Variants in FAM219A observed in about 807,000 individuals in gnomAD.
FAM219A encodes the protein family with sequence similarity 219 member A.
In FAM219A, 7 loss-of-function variants were observed where a neutral mutation model predicts 23.4. The ratio of observed to expected loss-of-function variants is 0.30; its 90% CI spans 0.17 to 0.56. The LOEUF (loss-of-function observed/expected upper bound fraction) is 0.56. Ranked by LOEUF, FAM219A falls within the 20% of genes least tolerant of loss-of-function variation. The probability of loss-of-function intolerance (pLI) is 0.92; values close to 1 mark genes in which losing one functional copy is unlikely to be tolerated. For synonymous variants in FAM219A, 93 were observed against 99.0 expected (o/e 0.94, Z 0.36); for missense variants, 166 against 246.9 (o/e 0.67, Z 2.20).
chr9:34,421,355 G>A (rs1822276361), intron 1 of FAM219A, among the ~76,000 whole-genome samples: 1 of 152,220 alleles, frequency 6.6e-6, no homozygotes, highest in Admixed American at 6.5e-5. Flanking sequence ...GTGTTTTTAG[G>A]GGTGAGGCTA....
chr9:34,408,279 T>C (rs1821711580), intron 1 of FAM219A, among the ~76,000 whole-genome samples: 1 of 152,068 alleles, frequency 6.6e-6, no homozygotes, highest in African/African-American at 2.4e-5. Context: ...TGCACAGCCT[T>C]GGAAAAGCAA....
intron 1 of FAM219A, among the ~76,000 whole-genome samples, chr9:34,422,275 A>G (rs1041095724): frequency 5.3e-5 from 8 of 152,196 alleles, no homozygotes; most frequent in African/African-American, 1.7e-4. Context: ...TGCTTTATCT[A>G]TATTATTTCA....
intron 1 of FAM219A, among the ~76,000 whole-genome samples, chr9:34,422,627 G>A (rs903624965): frequency 6.6e-6 from 1 of 152,196 alleles, no homozygotes; most frequent in Non-Finnish European, 1.5e-5. Context: ...GCTCAATTGA[G>A]TTCTCCACAG....
At chr9:34,426,336 G>A (rs138275556) in intron 1 of FAM219A, among the ~76,000 whole-genome samples, 136 of 152,192 alleles carry the variant, frequency 8.9e-4, no homozygotes, top group South Asian at 2.9e-3. Flanking sequence ...GGGCTAAGAT[G>A]AGTTGTATCT....
intron 1 of FAM219A, among the ~76,000 whole-genome samples, chr9:34,416,196 AAAG>A (rs1821998314): frequency 1.9e-5 from 1 of 51,710 alleles, no homozygotes. Context: ...AGAAAGAAAG[AAAG>A]AAAGAAAGAA....
chr9:34,453,955 G>T (rs913040860), intron 1 of FAM219A, among the ~76,000 whole-genome samples: 1 of 152,220 alleles, frequency 6.6e-6, no homozygotes, highest in Non-Finnish European at 1.5e-5. Context: ...GCCTTGGGCT[G>T]CTGGGAACTT....
chr9:34,431,192 G>A (rs900665236), intron 1 of FAM219A, among the ~76,000 whole-genome samples: 10 of 152,228 alleles, frequency 6.6e-5, no homozygotes, highest in Non-Finnish European at 7.3e-5. Context: ...GTGAGGCAGA[G>A]GATCTTGGTG....
At position 34,402,369 on chromosome 9, in the gene FAM219A, C is replaced by A. The variant is rs1218686712; in HGVS notation, c.344+18G>T. ...GTTCCTTTGGGCTGCCCAGCTACCC[C>A]CAAGCCCCCATACACACCTGTCCGT... On this transcript the variant is annotated intron_variant, in intron 4 of 5. Coordinates refer to ENST00000651358, the MANE Select transcript of FAM219A (RefSeq NM_001184940.2). 6.2e-7 allele frequency: 1 copy of A among 1,614,220 alleles called. No individual in the cohort carries two copies. Among genetic ancestry groups the A allele is most frequent in the Non-Finnish European group, 8.5e-7 (1 of 1,180,042 alleles).
At chr9:34,411,713 A>T (rs1821831101) in intron 1 of FAM219A, among the ~76,000 whole-genome samples, 1 of 151,930 alleles carries the variant, frequency 6.6e-6, no homozygotes, top group Non-Finnish European at 1.5e-5. Flanking sequence ...AAAGAAAAGA[A>T]AACAGTCCCA....
chr9:34,419,622 A>G (rs1822179392), intron 1 of FAM219A, among the ~76,000 whole-genome samples: 1 of 152,152 alleles, frequency 6.6e-6, no homozygotes, highest in African/African-American at 2.4e-5. Flanking sequence ...AAGCAGGAGA[A>G]ATGCCAGCAG....
intron 1 of FAM219A, among the ~76,000 whole-genome samples, chr9:34,422,824 T>C (rs1229126148): frequency 6.6e-6 from 1 of 152,154 alleles, no homozygotes; most frequent in Admixed American, 6.5e-5. Flanking sequence ...TGGTCCTACA[T>C]TTTAAGGGCA....
chr9:34,410,761 G>T (rs1310202119), intron 1 of FAM219A, among the ~76,000 whole-genome samples: 2 of 152,176 alleles, frequency 1.3e-5, no homozygotes, highest in Non-Finnish European at 2.9e-5. Flanking sequence ...CTGAAAGAAA[G>T]ATTGTAATGG....
chr9:34,440,889 TA>T (rs1164974148), intron 1 of FAM219A, among the ~76,000 whole-genome samples: 1 of 152,026 alleles, frequency 6.6e-6, no homozygotes, highest in Non-Finnish European at 1.5e-5. Context: ...AATGTTATCT[TA>T]CTATGTTGCC....
intron 5 of FAM219A, 73 bp downstream of exon 5, chr9:34,401,593 G>T: frequency 6.5e-7 from 1 of 1,532,820 alleles, no homozygotes; most frequent in Non-Finnish European, 8.9e-7. Flanking sequence ...CTTGGGCATT[G>T]GCCCCAGCCC....
chr9:34,431,703 C>T (rs1208059201), intron 1 of FAM219A, among the ~76,000 whole-genome samples: 1 of 151,956 alleles, frequency 6.6e-6, no homozygotes, highest in African/African-American at 2.4e-5. Context: ...ATTGAGACCC[C>T]CTCTCTAAGA....
At chr9:34,402,619 A>AG in intron 3 of FAM219A, 86 bp downstream of exon 3, 1 of 1,559,958 alleles carries the variant, frequency 6.4e-7, no homozygotes, top group South Asian at 1.2e-5. Flanking sequence ...GCTGGGCCTG[A>AG]GGAGGGAGGG....
In FAM219A at chr9:34,405,858, C is replaced by T. The variant is rs1821614563; in HGVS notation, c.160+7G>A. On this transcript the variant is annotated splice_region_variant and intron_variant, in intron 2 of 5. Coordinates refer to ENST00000651358, the MANE Select transcript of FAM219A (RefSeq NM_001184940.2). ...CCACATCTCCCTCACCCCCCAGACA[C>T]ACTCACCCAGCTTCACTTGGAGCGG... The T allele has an allele frequency of 6.2e-7, 1 of 1,613,704 alleles. No individual in the cohort carries two copies. Among genetic ancestry groups the T allele is most frequent in the African/African-American group, 1.3e-5 (1 of 75,038 alleles).
In FAM219A at chr9:34,442,415, C is replaced by T. The variant is rs111909040; in HGVS notation, c.60+15789G>A. On this transcript the variant is annotated intron_variant, in intron 1 of 5. Transcript: ENST00000651358. Reference sequence around the variant, plus strand: ...AAGAGACATATCAGGCCAGGCATGGCGGCTCACGCCTGTAATCCCAGCACT... The same window carrying T: ...AAGAGACATATCAGGCCAGGCATGGTGGCTCACGCCTGTAATCCCAGCACT... Among the ~76,000 whole-genome samples the T allele has an allele frequency of 1.1e-4, 16 of 152,274 alleles. 1 individual carries two copies. In the East Asian group the frequency reaches 1.2e-3, roughly 11 times the overall value.
chr9:34,437,301 T>C (rs117856441), intron 1 of FAM219A, among the ~76,000 whole-genome samples: 2 of 152,344 alleles, frequency 1.3e-5, no homozygotes, highest in East Asian at 1.9e-4. Flanking sequence ...CACTACGTTA[T>C]GATCTGGAGG....
Sources: allele counts gnomAD v4.1 joint callset (sites outside exome capture counted in the v4.1 genomes callset), GRCh38; gene constraint gnomAD v4.1.1; transcripts MANE v1.5; gene names NCBI Gene and HGNC (gene_info 2026-07-23, HGNC 2026-07-21).